LRP1B: variants seen among roughly 807,000 people sequenced by gnomAD.
The protein encoded by LRP1B is low-density lipoprotein receptor-related protein 1B.
LRP1B carries 217 observed loss-of-function variants against 556.6 expected under a neutral mutation model. The ratio of observed to expected loss-of-function variants is 0.39; its 90% CI spans 0.35 to 0.44. The LOEUF (loss-of-function observed/expected upper bound fraction) is 0.44. LRP1B is among the 20% of genes least tolerant of loss of function. The pLI is 1.00. For synonymous variants in LRP1B, 2,047 were observed against 1,865.8 expected, an observed-to-expected ratio of 1.10 and a Z score of -2.50; for missense variants, 5,053 against 5,620.8, an observed-to-expected ratio of 0.90 and a Z score of 3.23.
intron 51 of LRP1B, among the ~76,000 whole-genome samples, chr2:140,510,870 T>C (rs982824107): frequency 6.6e-6 from 1 of 152,180 alleles, no homozygotes; most frequent in Non-Finnish European, 1.5e-5. Context: ...GGTAGCCATA[T>C]GTCAAATGGC....
chr2:141,659,051 G>A (rs956709147), intron 2 of LRP1B, among the ~76,000 whole-genome samples: 6 of 152,028 alleles, frequency 3.9e-5, no homozygotes, highest in African/African-American at 1.5e-4. Flanking sequence ...CTATAGGCAG[G>A]CACCACTATA....
intron 7 of LRP1B, among the ~76,000 whole-genome samples, chr2:141,103,166 C>T (rs1250448317): frequency 2.0e-5 from 3 of 151,458 alleles, no homozygotes; most frequent in Non-Finnish European, 2.9e-5. Flanking sequence ...AAAAAGGTAA[C>T]TCTAAATATC....
rs1210040836 is a variant in LRP1B, at chr2:140,231,791, G to C, written c.*1395C>G. ...ATATTTAACATATTTCATCTGTTAGGTTAATACATTATGACAGCTAAAAGT... is the reference window on the plus strand; with the variant it reads ...ATATTTAACATATTTCATCTGTTAGCTTAATACATTATGACAGCTAAAAGT... On this transcript the variant is annotated 3_prime_UTR_variant, in exon 91 of 91. Transcript: ENST00000389484. 6.6e-6 allele frequency: 1 copy of C among 151,664 alleles called. No homozygotes were observed. The highest frequency in any genetic ancestry group is 1.5e-5 in the Non-Finnish European group (1 of 67,546). The allele number at this position is 151,664 out of a possible 1,614,324, so 9.4% of individuals were successfully genotyped here. A position where few individuals can be genotyped will look rare whatever the true frequency, so the allele number is the denominator to read the frequency against.
At chr2:141,697,668 T>C (rs138792955) in intron 2 of LRP1B, among the ~76,000 whole-genome samples, 2 of 152,074 alleles carry the variant, frequency 1.3e-5, no homozygotes, top group African/African-American at 4.8e-5. Flanking sequence ...TAATGCTGCA[T>C]GTAGTGCTAC....
At chr2:140,627,644 C>T (rs1417323575) in intron 41 of LRP1B, among the ~76,000 whole-genome samples, 2 of 152,152 alleles carry the variant, frequency 1.3e-5, no homozygotes, top group Admixed American at 6.5e-5. Context: ...TGAGTCAATA[C>T]TCCTTAATAA....
chr2:141,856,824 T>C (rs138116677), intron 1 of LRP1B, among the ~76,000 whole-genome samples: 226 of 152,208 alleles, frequency 1.5e-3, no homozygotes, highest in Non-Finnish European at 2.5e-3. Context: ...GATCTCCAGT[T>C]AGTTCTTCCT....
intron 20 of LRP1B, among the ~76,000 whole-genome samples, chr2:140,928,612 C>A (rs1020644881): frequency 2.0e-5 from 3 of 152,072 alleles, no homozygotes; most frequent in Non-Finnish European, 4.4e-5. Context: ...CTTATTGGTC[C>A]CAGTCAACCA....
At chr2:140,309,375 A>G (rs1437476182) in intron 83 of LRP1B, among the ~76,000 whole-genome samples, 7 of 151,868 alleles carry the variant, frequency 4.6e-5, no homozygotes, top group Non-Finnish European at 1.0e-4. Context: ...CATTGTGGAA[A>G]TAAGATTGAA....
chr2:140,903,601 C>G (rs1312830457), intron 22 of LRP1B, among the ~76,000 whole-genome samples: 1 of 151,910 alleles, frequency 6.6e-6, no homozygotes, highest in East Asian at 1.9e-4. Flanking sequence ...ACAAGTATAT[C>G]CATATACACA....
At chr2:140,333,425 T>A (rs1424300519) in intron 79 of LRP1B, among the ~76,000 whole-genome samples, 1 of 152,064 alleles carries the variant, frequency 6.6e-6, no homozygotes, top group Admixed American at 6.6e-5. Context: ...TTGGAACAAT[T>A]TCTGGCACAT....
At chr2:140,912,970 A>G (rs1694467328) in intron 21 of LRP1B, among the ~76,000 whole-genome samples, 1 of 151,744 alleles carries the variant, frequency 6.6e-6, no homozygotes, top group South Asian at 2.1e-4. Flanking sequence ...AAGATAACAA[A>G]TGTTGTAATG....
intron 32 of LRP1B, among the ~76,000 whole-genome samples, chr2:140,808,021 G>A (rs1465449261): frequency 6.6e-6 from 1 of 152,204 alleles, no homozygotes; most frequent in African/African-American, 2.4e-5. Flanking sequence ...GAACCTGGGA[G>A]GTGGAGGTTG....
At chr2:141,077,853 C>T (rs568921575) in intron 7 of LRP1B, among the ~76,000 whole-genome samples, 4 of 152,194 alleles carry the variant, frequency 2.6e-5, no homozygotes, top group East Asian at 1.9e-4. Context: ...AGAATTTTGA[C>T]TAATACAGTA....
chr2:140,700,949 A>G (rs1306418615), intron 40 of LRP1B, among the ~76,000 whole-genome samples: 1 of 152,112 alleles, frequency 6.6e-6, no homozygotes, highest in Non-Finnish European at 1.5e-5. Context: ...TTGTTCATTT[A>G]AAACATGAAT....
At chr2:141,030,799 G>C (rs1241001297) in intron 11 of LRP1B, among the ~76,000 whole-genome samples, 1 of 151,638 alleles carries the variant, frequency 6.6e-6, no homozygotes, top group Non-Finnish European at 1.5e-5. Flanking sequence ...CAATTGCATA[G>C]GAATAATAAA....
chr2:141,613,599 T>C (rs1688186184), intron 2 of LRP1B, among the ~76,000 whole-genome samples: 1 of 152,220 alleles, frequency 6.6e-6, no homozygotes, highest in Non-Finnish European at 1.5e-5. Context: ...TTGGACACTT[T>C]ACATTGGAGT....
chr2:142,069,843 GACT>G (rs10583454), intron 1 of LRP1B, among the ~76,000 whole-genome samples: 64,549 of 151,182 alleles, frequency 0.43, 15,761 homozygotes, highest in East Asian at 0.69. Context: ...TTGCAATCAT[GACT>G]ACATTTTTTG....
chr2:142,129,525 C>A (rs1657208244), intron 1 of LRP1B, among the ~76,000 whole-genome samples: 1 of 151,982 alleles, frequency 6.6e-6, no homozygotes, highest in African/African-American at 2.4e-5. Flanking sequence ...ATAACTAAAT[C>A]TCCCAATGCA....
chr2:140,874,601 GA>G (rs1298380429), intron 25 of LRP1B, among the ~76,000 whole-genome samples: 2 of 151,124 alleles, frequency 1.3e-5, no homozygotes, highest in Admixed American at 1.3e-4. Flanking sequence ...GTTTGCTTAG[GA>G]AAAAAACTAA....
Sources: allele counts gnomAD v4.1 joint callset (sites outside exome capture counted in the v4.1 genomes callset), GRCh38; gene constraint gnomAD v4.1.1; transcripts MANE v1.5; gene names NCBI Gene and HGNC (gene_info 2026-07-23, HGNC 2026-07-21).